Variants in PITPNC1 observed in about 807,000 individuals in gnomAD.
PITPNC1 encodes the protein cytoplasmic phosphatidylinositol transfer protein 1.
A neutral mutation model predicts 44.7 loss-of-function variants in PITPNC1; 18 were observed. The observed-to-expected ratio is 0.40, with a 90% CI of 0.28 to 0.60. The LOEUF is 0.60. Among genes scored for constraint, PITPNC1 ranks in the 20% least tolerant of loss-of-function variants. The probability of loss-of-function intolerance (pLI) is 0.39; values close to 1 mark genes in which losing one functional copy is unlikely to be tolerated. For synonymous variants in PITPNC1, 141 were observed against 149.6 expected (o/e 0.94, Z 0.42); for missense variants, 290 against 418.4 (o/e 0.69, Z 2.68).
intron 5 of PITPNC1, among the ~76,000 whole-genome samples, chr17:67,628,735 G>A (rs1053380367): frequency 3.9e-5 from 6 of 152,176 alleles, no homozygotes; most frequent in Non-Finnish European, 7.3e-5. Flanking sequence ...CCTGCAGCAC[G>A]CAGTGCCTGC....
intron 1 of PITPNC1, among the ~76,000 whole-genome samples, chr17:67,488,867 A>C (rs1162694033): frequency 6.6e-6 from 1 of 152,172 alleles, no homozygotes; most frequent in Non-Finnish European, 1.5e-5. Flanking sequence ...TATCTGGCTT[A>C]TTTCTCTTAG....
At chr17:67,636,452 G>A (rs2042034241) in intron 6 of PITPNC1, among the ~76,000 whole-genome samples, 1 of 152,156 alleles carries the variant, frequency 6.6e-6, no homozygotes, top group Non-Finnish European at 1.5e-5. Flanking sequence ...GTTACTAAAT[G>A]GATGCGGGAG....
chr17:67,544,621 CCCTTG>C (rs2040653346), intron 2 of PITPNC1, among the ~76,000 whole-genome samples: 1 of 152,240 alleles, frequency 6.6e-6, no homozygotes, highest in Admixed American at 6.5e-5. Flanking sequence ...CGCTACATGG[CCCTTG>C]CCTTCCACGG....
chr17:67,449,165 C>T (rs1237758248), intron 1 of PITPNC1, among the ~76,000 whole-genome samples: 1 of 152,188 alleles, frequency 6.6e-6, no homozygotes, highest in Non-Finnish European at 1.5e-5. Context: ...AAGATCGTCA[C>T]CCAAGCAATA....
At chr17:67,490,589 A>G (rs2039851590) in intron 1 of PITPNC1, among the ~76,000 whole-genome samples, 2 of 152,098 alleles carry the variant, frequency 1.3e-5, no homozygotes, top group Admixed American at 1.3e-4. Flanking sequence ...GCCTCCCCGC[A>G]GGCAGGGGAC....
At chr17:67,555,545 G>C (rs2040824551) in intron 4 of PITPNC1, among the ~76,000 whole-genome samples, 1 of 151,938 alleles carries the variant, frequency 6.6e-6, no homozygotes, top group South Asian at 2.1e-4. Context: ...GTAGACTTTG[G>C]GCCGGGTGCA....
At chr17:67,540,600 A>G (rs1218208322) in intron 2 of PITPNC1, among the ~76,000 whole-genome samples, 1 of 152,206 alleles carries the variant, frequency 6.6e-6, no homozygotes, top group Non-Finnish European at 1.5e-5. Context: ...TCGATTTTTT[A>G]TATATTTTTT....
chr17:67,406,943 GT>G (rs2143833095), intron 1 of PITPNC1, among the ~76,000 whole-genome samples: 1 of 152,302 alleles, frequency 6.6e-6, no homozygotes, highest in South Asian at 2.1e-4. Context: ...GGACATTTGG[GT>G]TGTTTCCAGT....
chr17:67,454,525 G>A (rs528357197), intron 1 of PITPNC1, among the ~76,000 whole-genome samples: 1 of 151,834 alleles, frequency 6.6e-6, no homozygotes, highest in Non-Finnish European at 1.5e-5. Flanking sequence ...CCATTCTTAA[G>A]TCATGGGCAG....
intron 1 of PITPNC1, among the ~76,000 whole-genome samples, chr17:67,459,414 A>G (rs1025980361): frequency 5.3e-5 from 8 of 152,078 alleles, no homozygotes; most frequent in African/African-American, 1.4e-4. Flanking sequence ...CACCGTGCCC[A>G]GCCTCTTTGG....
chr17:67,624,878 G>A (rs2041877571), intron 5 of PITPNC1, among the ~76,000 whole-genome samples: 1 of 152,116 alleles, frequency 6.6e-6, no homozygotes, highest in African/African-American at 2.4e-5. Flanking sequence ...CTAGGTCAAA[G>A]TATATCAAGA....
At chr17:67,437,289 G>A (rs117314328) in intron 1 of PITPNC1, among the ~76,000 whole-genome samples, 1,712 of 152,176 alleles carry the variant, frequency 0.011, 12 homozygotes, top group Non-Finnish European at 0.019. Flanking sequence ...ATTAGAGTGG[G>A]ACCTGTATCC....
At chr17:67,541,091 T>TA (rs1286203095) in intron 2 of PITPNC1, among the ~76,000 whole-genome samples, 2 of 152,288 alleles carry the variant, frequency 1.3e-5, no homozygotes, top group African/African-American at 4.8e-5. Flanking sequence ...GTCAGACGCC[T>TA]GTAATCCCAG....
At chr17:67,610,850 G>A (rs1319802528) in intron 5 of PITPNC1, among the ~76,000 whole-genome samples, 1 of 151,578 alleles carries the variant, frequency 6.6e-6, no homozygotes, top group Non-Finnish European at 1.5e-5. Flanking sequence ...GAACCCGAGG[G>A]GCGGAGGTTG....
At chr17:67,657,271 C>G (rs903529187) in intron 6 of PITPNC1, among the ~76,000 whole-genome samples, 1 of 152,096 alleles carries the variant, frequency 6.6e-6, no homozygotes. Flanking sequence ...AGTCCTTTCC[C>G]TTACCTCCCT....
At chr17:67,484,637 G>C (rs1200175489) in intron 1 of PITPNC1, among the ~76,000 whole-genome samples, 1 of 152,096 alleles carries the variant, frequency 6.6e-6, no homozygotes, top group African/African-American at 2.4e-5. Context: ...TCAGAGTAAA[G>C]ATTTTCATGA....
chr17:67,497,280 C>T (rs906748795), intron 1 of PITPNC1, among the ~76,000 whole-genome samples: 1 of 148,698 alleles, frequency 6.7e-6, no homozygotes, highest in African/African-American at 2.5e-5. Flanking sequence ...AGTGCAATGG[C>T]GCAATCGTGG....
intron 4 of PITPNC1, among the ~76,000 whole-genome samples, chr17:67,576,946 G>A (rs1051115763): frequency 2.6e-4 from 40 of 152,178 alleles, no homozygotes; most frequent in African/African-American, 9.4e-4. Context: ...AACTCTGTTG[G>A]GGTTCAGAGA....
chr17:67,581,112 G>A (rs111987503), intron 5 of PITPNC1, among the ~76,000 whole-genome samples: 70 of 152,354 alleles, frequency 4.6e-4, no homozygotes, highest in African/African-American at 1.5e-3. Flanking sequence ...TGGGACCACT[G>A]TAATCTGGTT....
Sources: allele counts gnomAD v4.1 joint callset (sites outside exome capture counted in the v4.1 genomes callset), GRCh38; gene constraint gnomAD v4.1.1; transcripts MANE v1.5; gene names NCBI Gene and HGNC (gene_info 2026-07-23, HGNC 2026-07-21).